Variants in NCAM2 observed in about 807,000 individuals in gnomAD.
The protein encoded by NCAM2 is neural cell adhesion molecule 2.
NCAM2 carries 30 observed loss-of-function variants against 98.1 expected under a neutral mutation model. The observed-to-expected ratio is 0.31, with a 90% CI of 0.23 to 0.41. The LOEUF (loss-of-function observed/expected upper bound fraction) is 0.41, where lower values mean the gene tolerates loss of function less well. Among genes scored for constraint, NCAM2 ranks in the 10% least tolerant of loss-of-function variants. The pLI, the probability that NCAM2 is intolerant of heterozygous loss-of-function variation, is 1.00. For synonymous variants in NCAM2, 368 were observed against 342.4 expected (o/e 1.07, Z -0.83); for missense variants, 867 against 1,005.8 (o/e 0.86, Z 1.87).
rs144855934 is a variant in NCAM2 at position 21,012,716 on chromosome 21, C to T, written c.55+14098C>T. 3.5e-3 allele frequency among the ~76,000 whole-genome samples: 532 copies of T among 152,026 alleles called. 6 individuals carry two copies. The highest frequency in any genetic ancestry group is 0.012 in the African/African-American group (508 of 41,444). On this transcript the variant is annotated intron_variant, in intron 1 of 17. Coordinates refer to ENST00000400546, the MANE Select transcript of NCAM2 (RefSeq NM_004540.5). ...TTTCACAGATACTGCATTTTTTTTA[C>T]AACTCGAATGTCTGTGGCCCCCCTG...
chr21:21,449,137 A>G (rs1980635187), intron 12 of NCAM2, among the ~76,000 whole-genome samples: 1 of 152,076 alleles, frequency 6.6e-6, no homozygotes, highest in African/African-American at 2.4e-5. Context: ...TCTCTGCTAT[A>G]TGTTAAGGAG....
chr21:21,479,457 G>A (rs1185625275), intron 15 of NCAM2, among the ~76,000 whole-genome samples: 5 of 151,296 alleles, frequency 3.3e-5, no homozygotes, highest in African/African-American at 9.7e-5. Flanking sequence ...GGTGGTGGAC[G>A]CCTGTAGTCC....
At chr21:21,151,783 A>G (rs2067456160) in intron 1 of NCAM2, among the ~76,000 whole-genome samples, 1 of 151,860 alleles carries the variant, frequency 6.6e-6, no homozygotes, top group South Asian at 2.1e-4. Flanking sequence ...ATGTTTTTAA[A>G]TCTGTTTCCA....
At chr21:21,101,058 T>C (rs867802944) in intron 1 of NCAM2, among the ~76,000 whole-genome samples, 18 of 152,150 alleles carry the variant, frequency 1.2e-4, no homozygotes, top group African/African-American at 3.4e-4. Flanking sequence ...TGTATCATAT[T>C]GTCTATTTTG....
intron 6 of NCAM2, among the ~76,000 whole-genome samples, chr21:21,325,084 A>G (rs2074479032): frequency 6.6e-6 from 1 of 152,088 alleles, no homozygotes; most frequent in Non-Finnish European, 1.5e-5. Flanking sequence ...TAAGTTCAAG[A>G]ATATTTTTAA....
chr21:21,006,469 A>T (rs937712180), intron 1 of NCAM2, among the ~76,000 whole-genome samples: 2 of 152,182 alleles, frequency 1.3e-5, no homozygotes, highest in Non-Finnish European at 2.9e-5. Context: ...AGATAGCATC[A>T]CTGCACTCCA....
intron 6 of NCAM2, 50 bp from the exon 7 acceptor site, chr21:21,335,455 T>C (rs1161068832): frequency 6.7e-7 from 1 of 1,483,828 alleles, no homozygotes; most frequent in African/African-American, 1.4e-5. Context: ...TAAAATCTAC[T>C]AAATTATAAA....
chr21:21,019,277 T>C (rs1036278450), intron 1 of NCAM2, among the ~76,000 whole-genome samples: 5 of 152,232 alleles, frequency 3.3e-5, no homozygotes, highest in African/African-American at 1.2e-4. Context: ...AGCAAACTTT[T>C]TGATAATTAT....
chr21:21,086,324 A>G lies in NCAM2; in HGVS notation c.55+87706A>G, dbSNP rs111819795. 6.1e-3 allele frequency among the ~76,000 whole-genome samples: 922 copies of G among 152,320 alleles called. 2 individuals carry two copies. The highest frequency in any genetic ancestry group is 0.01 in the Non-Finnish European group (689 of 68,024). Reference sequence around the variant, plus strand: ...ACAGAGGAAAAACCAAAGAAGGACAATTTAAATGAAGGGCATTTTATCCTT... The same window carrying G: ...ACAGAGGAAAAACCAAAGAAGGACAGTTTAAATGAAGGGCATTTTATCCTT... On this transcript the variant is annotated intron_variant, in intron 1 of 17. Coordinates refer to ENST00000400546, the MANE Select transcript of NCAM2 (RefSeq NM_004540.5).
chr21:21,291,898 G>GA (rs10547647), intron 4 of NCAM2, among the ~76,000 whole-genome samples: 36,811 of 145,878 alleles, frequency 0.25, 4,613 homozygotes, highest in African/African-American at 0.33. Flanking sequence ...ATTCTTTTAG[G>GA]AAAAAAAAAA....
intron 1 of NCAM2, among the ~76,000 whole-genome samples, chr21:21,005,297 G>C (rs752607941): frequency 3.3e-5 from 5 of 152,168 alleles, no homozygotes; most frequent in Non-Finnish European, 5.9e-5. Context: ...TGTGTCTATG[G>C]AAGACTTAAT....
intron 5 of NCAM2, among the ~76,000 whole-genome samples, chr21:21,294,581 G>C (rs781380623): frequency 2.0e-5 from 3 of 151,650 alleles, no homozygotes; most frequent in Non-Finnish European, 4.4e-5. Flanking sequence ...ACAAACTCGC[G>C]TAGCTTAAAA....
Position 21,284,281 on chromosome 21 carries a change from G to T in NCAM2, c.218G>T (p.Gly73Val). 6.2e-7 allele frequency: 1 copy of T among 1,612,024 alleles called. No homozygotes were observed. Among genetic ancestry groups the T allele is most frequent in the Non-Finnish European group, 8.5e-7 (1 of 1,178,332 alleles). ...CAGAGGGTAGTAGTGCAAAAGGAAGGTGTTAGGTCACGGTTAACCATCTAC... is the reference window on the plus strand; with the variant it reads ...CAGAGGGTAGTAGTGCAAAAGGAAGTTGTTAGGTCACGGTTAACCATCTAC... ...STQRVVVQKE[G>V]VRSRLTIYNA... Residue 73 changes from glycine to valine, a missense_variant, in exon 3 of 18, where the codon GGT (glycine) becomes GTT (valine). By Grantham distance (109) the Gly-to-Val change is moderately radical. Transcript: ENST00000400546.
At chr21:21,266,148 T>C (rs1053658867) in intron 1 of NCAM2, among the ~76,000 whole-genome samples, 2 of 152,154 alleles carry the variant, frequency 1.3e-5, no homozygotes, top group African/African-American at 4.8e-5. Flanking sequence ...TTAAAAACCC[T>C]TTCAAAAATA....
In NCAM2 at chr21:21,076,496, T is replaced by C. The variant is rs116192630; in HGVS notation, c.55+77878T>C. 6.0e-4 allele frequency among the ~76,000 whole-genome samples: 91 copies of C among 152,302 alleles called. 1 individual carries two copies. Among genetic ancestry groups the C allele is most frequent in the African/African-American group, 2.0e-3 (83 of 41,576 alleles). On this transcript the variant is annotated intron_variant, in intron 1 of 17. Coordinates refer to ENST00000400546, the MANE Select transcript of NCAM2 (RefSeq NM_004540.5). ...CCTTTTAAAGATCTTTATAGTTCTGTCAGTTAGGTTTGAAACATGCCATTC... is the reference window on the plus strand; with the variant it reads ...CCTTTTAAAGATCTTTATAGTTCTGCCAGTTAGGTTTGAAACATGCCATTC...
Position 21,316,533 on chromosome 21 carries a change from C to CTTTTTTTT in NCAM2, c.620-7837_620-7830dup, listed in dbSNP as rs34341259. Among the ~76,000 whole-genome samples, 52 of 110,884 alleles carry CTTTTTTTT rather than the reference C, an allele frequency of 4.7e-4. 1 individual carries two copies. Among genetic ancestry groups the CTTTTTTTT allele is most frequent in the Middle Eastern group, 5.8e-3 (1 of 172 alleles). 72.7% of individuals were successfully genotyped at this position (110,884 alleles called of 152,430 possible). A position where few individuals can be genotyped will look rare whatever the true frequency, so the allele number is the denominator to read the frequency against. On this transcript the variant is annotated intron_variant, in intron 5 of 17. Coordinates refer to ENST00000400546, the MANE Select transcript of NCAM2 (RefSeq NM_004540.5). ...TCATCTTCCAATTTTATCTTTTATT[C>CTTTTTTTT]TTTTTTTTTTTTTTTTTTTTGAGAC... is the stretch of plus-strand genomic sequence containing the variant.
chr21:21,255,787 C>T (rs1338919630), intron 1 of NCAM2, among the ~76,000 whole-genome samples: 1 of 152,136 alleles, frequency 6.6e-6, no homozygotes, highest in Non-Finnish European at 1.5e-5. Flanking sequence ...TGTGCCTTAT[C>T]TACTCCAGGC....
At chr21:21,123,129 T>C (rs2066710169) in intron 1 of NCAM2, among the ~76,000 whole-genome samples, 1 of 145,466 alleles carries the variant, frequency 6.9e-6, no homozygotes, top group Admixed American at 7.1e-5. Context: ...CAGGGGGTGC[T>C]CATGCCTGTA....
At chr21:21,324,596 T>C (rs886232755) in intron 6 of NCAM2, 96 bp downstream of exon 6, 7 of 905,152 alleles carry the variant, frequency 7.7e-6, no homozygotes, top group Non-Finnish European at 1.2e-5. Context: ...AAGCAAACCA[T>C]TGCATTTTAG....
Sources: gnomAD v4.1 joint callset for allele counts (sites outside exome capture counted in the v4.1 genomes callset) on GRCh38, gnomAD v4.1.1 for gene constraint, MANE v1.5 for transcripts, NCBI Gene and HGNC (gene_info 2026-07-23, HGNC 2026-07-21) for gene names.